PTPRG: variants seen among roughly 807,000 people sequenced by gnomAD.
The protein encoded by PTPRG is receptor-type tyrosine-protein phosphatase gamma.
In PTPRG, 102 loss-of-function variants were observed where a neutral mutation model predicts 165.3. That is an observed-to-expected ratio of 0.62 (90% confidence interval 0.53 to 0.73). The LOEUF is 0.73. Among genes scored for constraint, PTPRG ranks in the 30% least tolerant of loss-of-function variants. The pLI, the probability that PTPRG is intolerant of heterozygous loss-of-function variation, is 0.00. For synonymous variants in PTPRG, 675 were observed against 669.5 expected (o/e 1.01, Z -0.13); for missense variants, 1,866 against 1,861.4 (o/e 1.00, Z -0.05).
intron 4 of PTPRG, among the ~76,000 whole-genome samples, chr3:62,025,246 A>G (rs906600696): frequency 6.6e-6 from 1 of 152,182 alleles, no homozygotes; most frequent in Non-Finnish European, 1.5e-5. Context: ...GAATGCATGT[A>G]TATATATAGC....
chr3:61,654,976 G>A (rs546379574), intron 1 of PTPRG, among the ~76,000 whole-genome samples: 4 of 151,162 alleles, frequency 2.6e-5, no homozygotes, highest in East Asian at 3.9e-4. Context: ...TAGTAGAGAC[G>A]GGGTTTCACC....
At chr3:61,786,966 C>G (rs1406563258) in intron 2 of PTPRG, among the ~76,000 whole-genome samples, 1 of 152,010 alleles carries the variant, frequency 6.6e-6, no homozygotes, top group Non-Finnish European at 1.5e-5. Flanking sequence ...TTTTTCTAAG[C>G]AAAACACAGT....
intron 2 of PTPRG, among the ~76,000 whole-genome samples, chr3:61,895,595 T>C (rs1368576673): frequency 6.6e-6 from 1 of 152,210 alleles, no homozygotes; most frequent in Non-Finnish European, 1.5e-5. Context: ...CTTTTGACTT[T>C]GAAAGTATCA....
chr3:61,625,808 C>T (rs1305932955), intron 1 of PTPRG, among the ~76,000 whole-genome samples: 1 of 152,138 alleles, frequency 6.6e-6, no homozygotes, highest in African/African-American at 2.4e-5. Flanking sequence ...TTGCTTAAAT[C>T]ATATTCCGTG....
At chr3:61,726,915 C>T (rs1455673428) in intron 1 of PTPRG, among the ~76,000 whole-genome samples, 1 of 152,016 alleles carries the variant, frequency 6.6e-6, no homozygotes, top group Admixed American at 6.6e-5. Context: ...GCCATGGTGG[C>T]GGGCGTCTGT....
At chr3:61,774,493 C>A (rs1235403918) in intron 2 of PTPRG, among the ~76,000 whole-genome samples, 1 of 152,148 alleles carries the variant, frequency 6.6e-6, no homozygotes, top group African/African-American at 2.4e-5. Flanking sequence ...GCAGTGAGAT[C>A]AATTGCAGCC....
intron 12 of PTPRG, among the ~76,000 whole-genome samples, chr3:62,204,998 A>C (rs752830617): frequency 2.0e-5 from 3 of 152,022 alleles, no homozygotes; most frequent in African/African-American, 7.3e-5. Context: ...TTGTGGAGTT[A>C]TAAGAGTGCA....
intron 4 of PTPRG, among the ~76,000 whole-genome samples, chr3:62,009,833 T>C (rs1227149450): frequency 1.3e-5 from 2 of 152,156 alleles, no homozygotes; most frequent in Admixed American, 6.5e-5. Context: ...CAGCATGATA[T>C]GTTAAAGCCT....
chr3:61,726,950 G>A (rs2032287302), intron 1 of PTPRG, among the ~76,000 whole-genome samples: 1 of 151,528 alleles, frequency 6.6e-6, no homozygotes, highest in Non-Finnish European at 1.5e-5. Flanking sequence ...GGGAGACTGA[G>A]ACAGGAGAAT....
chr3:62,181,410 A>G (rs1705644390), intron 8 of PTPRG, among the ~76,000 whole-genome samples: 1 of 149,690 alleles, frequency 6.7e-6, no homozygotes, highest in Admixed American at 6.6e-5. Context: ...CTTTGTACAC[A>G]CTTTTTTTTT....
intron 4 of PTPRG, among the ~76,000 whole-genome samples, chr3:62,069,637 GTCTCTC>G (rs537162206): frequency 0.27 from 37,627 of 140,926 alleles, 5,585 homozygotes; most frequent in East Asian, 0.37. Flanking sequence ...TAGGATCGAT[GTCTCTC>G]TCTCTCTCTC....
chr3:62,120,324 G>A (rs1432747467), intron 5 of PTPRG, among the ~76,000 whole-genome samples: 2 of 150,648 alleles, frequency 1.3e-5, no homozygotes, highest in Non-Finnish European at 3.0e-5. Context: ...GATGCATTTA[G>A]GAGGTAGAAT....
At chr3:62,118,991 A>C (rs542018424) in intron 5 of PTPRG, among the ~76,000 whole-genome samples, 3 of 152,366 alleles carry the variant, frequency 2.0e-5, no homozygotes, top group Admixed American at 6.5e-5. Flanking sequence ...TCTAGGAAGC[A>C]AACATCTTGT....
At chr3:62,111,106 G>A (rs915446869) in intron 5 of PTPRG, among the ~76,000 whole-genome samples, 1 of 152,192 alleles carries the variant, frequency 6.6e-6, no homozygotes, top group Non-Finnish European at 1.5e-5. Flanking sequence ...CATGTACACT[G>A]TATGGAATAA....
chr3:61,782,083 C>T (rs1266557468), intron 2 of PTPRG, among the ~76,000 whole-genome samples: 1 of 152,054 alleles, frequency 6.6e-6, no homozygotes, highest in African/African-American at 2.4e-5. Context: ...GGGTATAATC[C>T]CCAGATCTAA....
intron 10 of PTPRG, among the ~76,000 whole-genome samples, chr3:62,198,318 C>G (rs1244411304): frequency 4.6e-5 from 7 of 152,270 alleles, no homozygotes; most frequent in Admixed American, 3.3e-4. Context: ...CAGGTGACTT[C>G]AGAAGAACTC....
In PTPRG at chr3:62,219,184, G is replaced by A. The variant is rs1209373127; in HGVS notation, c.2288+201G>A. Among the ~76,000 whole-genome samples the A allele has an allele frequency of 2.6e-5, 4 of 152,196 alleles. No homozygotes were observed. The highest frequency in any genetic ancestry group is 9.6e-5 in the African/African-American group (4 of 41,458). ...CACTTTTGAGGTCAAGGCATTTATG[G>A]TAAGCTTCTGGGATTTAGTACCAAA... is the stretch of plus-strand genomic sequence containing the variant. On this transcript the variant is annotated intron_variant, in intron 13 of 29. Coordinates refer to ENST00000474889, the MANE Select transcript of PTPRG (RefSeq NM_002841.4). The surrounding 1 kb of genome is among the most constrained non-coding windows in gnomAD (Gnocchi z 4.5).
intron 1 of PTPRG, among the ~76,000 whole-genome samples, chr3:61,724,931 C>A (rs571024205): frequency 6.6e-6 from 1 of 151,988 alleles, no homozygotes; most frequent in African/African-American, 2.4e-5. Context: ...AGCCTGTTCC[C>A]ACGTCCTCTC....
At chr3:61,743,892 A>G (rs767871009) in intron 1 of PTPRG, among the ~76,000 whole-genome samples, 1 of 152,250 alleles carries the variant, frequency 6.6e-6, no homozygotes, top group Non-Finnish European at 1.5e-5. Context: ...ATAAGCAAGT[A>G]TGCAATTTCA....
Sources: gnomAD v4.1 joint callset for allele counts (sites outside exome capture counted in the v4.1 genomes callset) on GRCh38, gnomAD v4.1.1 for gene constraint, Gnocchi (gnomAD v3.1) non-coding constraint, MANE v1.5 for transcripts, NCBI Gene and HGNC (gene_info 2026-07-23, HGNC 2026-07-21) for gene names.